IKZF2: variants seen among roughly 807,000 people sequenced by gnomAD.
The protein encoded by IKZF2 is IKAROS family zinc finger 2.
IKZF2 carries 15 observed loss-of-function variants against 49.2 expected under a neutral mutation model. The ratio of observed to expected loss-of-function variants is 0.30; its 90% CI spans 0.20 to 0.47. IKZF2 has a LOEUF of 0.47. Among genes scored for constraint, IKZF2 ranks in the 20% least tolerant of loss-of-function variants. The pLI is 1.00. For missense variants in IKZF2, 567 were observed against 664.6 expected (o/e 0.85, Z 1.61); for synonymous variants, 227 against 221.4 (o/e 1.03, Z -0.23).
intron 4 of IKZF2, among the ~76,000 whole-genome samples, chr2:213,092,090 A>G (rs1038649003): frequency 6.6e-6 from 1 of 152,120 alleles, no homozygotes; most frequent in Non-Finnish European, 1.5e-5. Context: ...CAGTAGCACA[A>G]TCAAGGCTCA....
chr2:213,060,061 T>C (rs563039068), intron 4 of IKZF2, among the ~76,000 whole-genome samples: 46 of 151,362 alleles, frequency 3.0e-4, no homozygotes, highest in Non-Finnish European at 4.9e-4. Context: ...TGCATTTACA[T>C]GATGCATATA....
At chr2:213,077,790 G>A (rs911790057) in intron 4 of IKZF2, among the ~76,000 whole-genome samples, 9 of 151,668 alleles carry the variant, frequency 5.9e-5, no homozygotes, top group South Asian at 2.1e-4. Context: ...GGGTTTCACC[G>A]TGTTAGCCAG....
At chr2:213,103,551 GAAAGGATAGGAAATCTCTTT>G (rs1332146597) in intron 4 of IKZF2, among the ~76,000 whole-genome samples, 2 of 152,048 alleles carry the variant, frequency 1.3e-5, no homozygotes, top group Non-Finnish European at 2.9e-5. Flanking sequence ...TTTCTTTAAG[GAAAGGATAGGAAATCTCTTT>G]AACCTTCCTT....
Position 213,007,446 on chromosome 2 carries a change from G to T in IKZF2, c.1495C>A (p.Leu499Met), listed in dbSNP as rs1314728038. Residue 499 changes from leucine to methionine, a missense_variant, in exon 9 of 9, where the codon CTG (leucine) becomes ATG (methionine). By Grantham distance (15) the Leu-to-Met change is conservative (BLOSUM62 2). Transcript: ENST00000434687. ...CTGTAGCCACAGATGTTGCATTCCA[G>T]TGGGTCCCGGTAGCCATGGCAACCC... ...HMGCHGYRDP[L>M]ECNICGYRSQ... is the part of the protein sequence containing the mutation. 1 of 1,613,426 alleles carries T rather than the reference G, an allele frequency of 6.2e-7. No homozygotes were observed. The highest frequency in any genetic ancestry group is 1.3e-5 in the African/African-American group (1 of 74,868).
At chr2:213,025,870 A>G (rs1214234841) in intron 6 of IKZF2, among the ~76,000 whole-genome samples, 1 of 152,034 alleles carries the variant, frequency 6.6e-6, no homozygotes, top group African/African-American at 2.4e-5. Context: ...TAGCTGCTAA[A>G]TTCTATATAC....
At chr2:213,098,386 A>G (rs1706261654) in intron 4 of IKZF2, among the ~76,000 whole-genome samples, 1 of 152,152 alleles carries the variant, frequency 6.6e-6, no homozygotes, top group Non-Finnish European at 1.5e-5. Context: ...TATAATATGA[A>G]GATATTTAAA....
intron 6 of IKZF2, among the ~76,000 whole-genome samples, chr2:213,031,943 C>A (rs1698480408): frequency 6.6e-6 from 1 of 152,146 alleles, no homozygotes; most frequent in East Asian, 1.9e-4. Context: ...GGGATGCTCA[C>A]TTCTTTCACT....
chr2:213,013,860 G>C lies in IKZF2; in HGVS notation c.787C>G (p.Pro263Ala). The change falls in exon 8 of 9, where the codon CCT becomes GCT. Residue 263 changes from proline to alanine, a missense_variant. This residue lies in a region of IKZF2 where 310 missense variants were observed against 326.9 expected (regional missense o/e 0.95). Coordinates refer to ENST00000434687, the MANE Select transcript of IKZF2 (RefSeq NM_001387220.1). Reference protein sequence around the residue: ...NNISLVPFERPAVIEKLTGNM... With the variant: ...NNISLVPFERAAVIEKLTGNM... ...CCCGTGAGCTTCTCTATGACAGCAG[G>C]TCTCTCAAAAGGCACCAGAGAAATA... The C allele has an allele frequency of 6.2e-7, 1 of 1,612,020 alleles. No individual in the cohort carries two copies. The highest frequency in any genetic ancestry group is 8.5e-7 in the Non-Finnish European group (1 of 1,178,492).
chr2:213,054,771 T>A (rs923372929), intron 5 of IKZF2, among the ~76,000 whole-genome samples: 1 of 152,210 alleles, frequency 6.6e-6, no homozygotes, highest in Admixed American at 6.5e-5. Flanking sequence ...CTTGCTGTTA[T>A]GAGTTGAGTG....
intron 6 of IKZF2, among the ~76,000 whole-genome samples, chr2:213,041,949 T>G (rs1174227794): frequency 1.3e-5 from 2 of 151,942 alleles, no homozygotes; most frequent in Non-Finnish European, 2.9e-5. Flanking sequence ...CTCTTTAAGG[T>G]GTGGTAGTAG....
At chr2:213,019,005 C>T (rs1286620038) in intron 7 of IKZF2, among the ~76,000 whole-genome samples, 1 of 151,954 alleles carries the variant, frequency 6.6e-6, no homozygotes, top group African/African-American at 2.4e-5. Flanking sequence ...GTATGTATTT[C>T]CTACCAGACT....
intron 7 of IKZF2, among the ~76,000 whole-genome samples, chr2:213,018,060 A>AAT (rs1331435876): frequency 2.0e-5 from 3 of 152,128 alleles, no homozygotes; most frequent in African/African-American, 7.2e-5. Flanking sequence ...TAAACCTAAC[A>AAT]ATATATATAG....
chr2:213,025,243 A>C (rs991638088), intron 6 of IKZF2, among the ~76,000 whole-genome samples: 2 of 152,154 alleles, frequency 1.3e-5, no homozygotes, highest in Admixed American at 1.3e-4. Context: ...GCATCCCTTC[A>C]GATATTGTTC....
chr2:213,022,282 G>T, intron 6 of IKZF2, 152 bp from the exon 7 acceptor site: 1 of 700,640 alleles, frequency 1.4e-6, no homozygotes, highest in South Asian at 2.8e-5. Flanking sequence ...GGTAAGAAAA[G>T]ATAATACATT....
intron 4 of IKZF2, among the ~76,000 whole-genome samples, chr2:213,115,523 G>T (rs991149708): frequency 5.3e-5 from 8 of 152,186 alleles, no homozygotes; most frequent in African/African-American, 1.9e-4. Flanking sequence ...GAGCTTGCCT[G>T]GCTAACCAGG....
intron 4 of IKZF2, among the ~76,000 whole-genome samples, chr2:213,134,741 T>C (rs1243553331): frequency 6.6e-6 from 1 of 152,228 alleles, no homozygotes; most frequent in Non-Finnish European, 1.5e-5. Flanking sequence ...CTAATCTTAT[T>C]GCCACATTCC....
intron 4 of IKZF2, among the ~76,000 whole-genome samples, chr2:213,132,527 T>C (rs997234352): frequency 5.9e-5 from 9 of 152,218 alleles, no homozygotes; most frequent in African/African-American, 2.2e-4. Context: ...GGTATGTATA[T>C]GTGGTTCTGA....
chr2:213,123,402 T>G (rs1244999848), intron 4 of IKZF2, among the ~76,000 whole-genome samples: 1 of 152,214 alleles, frequency 6.6e-6, no homozygotes, highest in Non-Finnish European at 1.5e-5. Flanking sequence ...GCAATGGATT[T>G]CTGTTTCCAA....
intron 4 of IKZF2, among the ~76,000 whole-genome samples, chr2:213,096,968 G>A (rs60383584): frequency 0.37 from 55,916 of 151,596 alleles, 10,815 homozygotes; most frequent in African/African-American, 0.42. Context: ...TCATTGATTG[G>A]AAATAAATTT....
Sources: allele counts gnomAD v4.1 joint callset (sites outside exome capture counted in the v4.1 genomes callset), GRCh38; gene constraint gnomAD v4.1.1; regional missense constraint gnomAD v4.1.1; transcripts MANE v1.5; gene names NCBI Gene and HGNC (gene_info 2026-07-23, HGNC 2026-07-21).